PRPF3: variants seen among roughly 807,000 people sequenced by gnomAD.
PRPF3 encodes pre-mRNA processing factor 3.
A neutral mutation model predicts 89.2 loss-of-function variants in PRPF3; 3 were observed. The observed-to-expected ratio is 0.03, with a 90% CI of 0.02 to 0.09. The LOEUF is 0.09. Ranked by LOEUF, PRPF3 falls within the 10% of genes least tolerant of loss-of-function variation. The pLI is 1.00. For missense variants in PRPF3, 463 were observed against 828.8 expected (o/e 0.56, Z 5.42); for synonymous variants, 270 against 289.1 (o/e 0.93, Z 0.67).
At chr1:150,345,078 A>C (rs1553872561) in intron 12 of PRPF3, among the ~76,000 whole-genome samples, 1 of 147,430 alleles carries the variant, frequency 6.8e-6, no homozygotes, top group African/African-American at 2.4e-5. Flanking sequence ...TTTTATGTTG[A>C]GTACATGTGT....
At chr1:150,339,778 C>G (rs1282073747) in intron 8 of PRPF3, among the ~76,000 whole-genome samples, 2 of 137,392 alleles carry the variant, frequency 1.5e-5, no homozygotes, top group Admixed American at 7.6e-5. Context: ...GAGTCTCACT[C>G]TGTTGCACAA....
chr1:150,321,505 G>C (rs1340181895), upstream of PRPF3: 2 of 152,846 alleles, frequency 1.3e-5, no homozygotes, highest in Non-Finnish European at 2.9e-5. Flanking sequence ...CGGCGGTGGC[G>C]GTAGCGACGG....
rs1241365962 is a variant in PRPF3, at chr1:150,343,364, A to G, written c.1338A>G (p.Lys446=). The G allele has an allele frequency of 1.9e-6, 3 of 1,599,510 alleles. No homozygotes were observed. Among genetic ancestry groups the G allele is most frequent in the East Asian group, 2.2e-5 (1 of 44,886 alleles). Residue 446 remains lysine (K), a synonymous_variant, in exon 10 of 16, where the codon AAA becomes AAG. Coordinates refer to ENST00000324862, the MANE Select transcript of PRPF3 (RefSeq NM_004698.4). The stretch of plus-strand genomic sequence containing the variant: ...TATATCTTACCAAGAAGGAACAGAA[A>G]AAACTTCGGAGACAAACAAGGAGGG... ...LGVYLTKKEQ[K]KLRRQTRREA... is the part of the protein sequence containing the mutation.
At chr1:150,350,131 G>A (rs1040798504) in intron 15 of PRPF3, among the ~76,000 whole-genome samples, 2 of 151,934 alleles carry the variant, frequency 1.3e-5, no homozygotes, top group South Asian at 4.2e-4. Flanking sequence ...CCCAACCTCA[G>A]GTGATCCGCC....
At chr1:150,336,427 T>A (rs957242556) in intron 7 of PRPF3, among the ~76,000 whole-genome samples, 6 of 152,106 alleles carry the variant, frequency 3.9e-5, no homozygotes, top group Non-Finnish European at 7.4e-5. Flanking sequence ...CCTAAAAGAC[T>A]GTTGGGTTGG....
chr1:150,322,876 C>CT (rs113626826), intron 1 of PRPF3, among the ~76,000 whole-genome samples: 112,912 of 146,344 alleles, frequency 0.77, 44,039 homozygotes, highest in East Asian at 0.99. Context: ...ATTTAGACAC[C>CT]TTTTTTTTTT....
chr1:150,342,528 G>A (rs1553871576), intron 9 of PRPF3, among the ~76,000 whole-genome samples: 1 of 145,958 alleles, frequency 6.9e-6, no homozygotes. Context: ...ACACACACAT[G>A]TTTTTTGAAA....
In PRPF3 at chr1:150,346,423, A is replaced by G. The variant is rs926630158; in HGVS notation, c.1775A>G (p.Lys592Arg). Reference sequence around the variant, plus strand: ...CTGTTTCCAGGCCCCAAGGCCCAGAAGAAATTTAAGCGTCTTATGCTGCAT... The same window carrying G: ...CTGTTTCCAGGCCCCAAGGCCCAGAGGAAATTTAAGCGTCTTATGCTGCAT... ...VVVEGGPKAQ[K>R]KFKRLMLHRI... is the part of the protein sequence containing the mutation. The change falls in exon 14 of 16, where the codon AAG becomes AGG. Residue 592 changes from lysine (K) to arginine (R), a missense_variant. Physicochemically the swap from Lys to Arg is conservative, Grantham distance 26 (BLOSUM62 2). Around this residue, in one of 8 missense-constraint regions of PRPF3, gnomAD observed 261 missense variants for 475.8 expected, o/e 0.55. Transcript: ENST00000324862. 6.2e-7 allele frequency: 1 copy of G among 1,614,054 alleles called. No individual in the cohort carries two copies. The highest frequency in any genetic ancestry group is 1.3e-5 in the African/African-American group (1 of 75,042).
chr1:150,348,417 C>A (rs1161853645), intron 14 of PRPF3, among the ~76,000 whole-genome samples: 1 of 133,808 alleles, frequency 7.5e-6, no homozygotes, highest in African/African-American at 2.9e-5. Context: ...GAGAGTTCAT[C>A]TTAAGATACC....
rs781919931 is a variant in PRPF3 at position 150,340,483 on chromosome 1, G to A, written c.1282+6G>A. On this transcript the variant is annotated splice_donor_region_variant and intron_variant, in intron 9 of 15. Coordinates refer to ENST00000324862, the MANE Select transcript of PRPF3 (RefSeq NM_004698.4). ...AGCCCAGCTCAATCCTCCAGGTAATGTATAGATTCCTGAATCAAGTCTCTA... is the reference window on the plus strand; with the variant it reads ...AGCCCAGCTCAATCCTCCAGGTAATATATAGATTCCTGAATCAAGTCTCTA... 4 of 1,578,824 alleles carry A rather than the reference G, an allele frequency of 2.5e-6. No individual in the cohort carries two copies. The East Asian group carries it at 6.7e-5, about 27-fold the overall frequency.
chr1:150,335,768 T>TTC (rs1656912206), intron 7 of PRPF3, among the ~76,000 whole-genome samples: 1 of 148,594 alleles, frequency 6.7e-6, no homozygotes, highest in African/African-American at 2.5e-5. Context: ...CCCGCCTTTT[T>TTC]TTTTTTTGGG....
chr1:150,347,558 C>T (rs958136119), intron 14 of PRPF3, among the ~76,000 whole-genome samples: 12 of 151,954 alleles, frequency 7.9e-5, no homozygotes, highest in African/African-American at 2.4e-4. Flanking sequence ...GGTGAAACCC[C>T]GTCTCTACTG....
intron 4 of PRPF3, among the ~76,000 whole-genome samples, chr1:150,328,946 C>T (rs1274459393): frequency 6.6e-6 from 1 of 152,040 alleles, no homozygotes; most frequent in African/African-American, 2.4e-5. Context: ...CCCACCTTCG[C>T]CTCCCAGAGT....
intron 13 of PRPF3, 105 bp downstream of exon 13, chr1:150,346,241 C>G (rs1658260977): frequency 8.0e-7 from 1 of 1,248,350 alleles, no homozygotes; most frequent in Admixed American, 1.7e-5. Flanking sequence ...TAGTGCCATA[C>G]CTGATATAAT....
chr1:150,340,828 G>A (rs1657615034), intron 9 of PRPF3, among the ~76,000 whole-genome samples: 1 of 152,044 alleles, frequency 6.6e-6, no homozygotes, highest in Admixed American at 6.6e-5. Context: ...AAAAAAATTT[G>A]GCTGGGTATG....
chr1:150,336,485 A>G (rs1657013854), intron 7 of PRPF3, among the ~76,000 whole-genome samples: 1 of 152,002 alleles, frequency 6.6e-6, no homozygotes, highest in Non-Finnish European at 1.5e-5. Context: ...GTGCTGGACA[A>G]GATGGCTCAA....
intron 9 of PRPF3, among the ~76,000 whole-genome samples, chr1:150,342,025 G>T (rs1354821267): frequency 6.6e-6 from 1 of 151,390 alleles, no homozygotes; most frequent in Non-Finnish European, 1.5e-5. Context: ...TTCTACATTT[G>T]CCAGGTATCA....
At chr1:150,328,834 C>T (rs922394308) in intron 4 of PRPF3, among the ~76,000 whole-genome samples, 4 of 151,518 alleles carry the variant, frequency 2.6e-5, no homozygotes, top group African/African-American at 9.7e-5. Context: ...ATTACAGGAG[C>T]GAGCCACTGC....
chr1:150,325,283 A>T (rs587609995), intron 2 of PRPF3, among the ~76,000 whole-genome samples, 196 bp downstream of exon 2: 1 of 152,296 alleles, frequency 6.6e-6, no homozygotes, highest in East Asian at 1.9e-4. Context: ...TATGTTATTT[A>T]TGATAGATTT....
Sources: allele counts gnomAD v4.1 joint callset (sites outside exome capture counted in the v4.1 genomes callset), GRCh38; gene constraint gnomAD v4.1.1; regional missense constraint gnomAD v4.1.1; transcripts MANE v1.5; gene names NCBI Gene and HGNC (gene_info 2026-07-23, HGNC 2026-07-21).